Variants in CSMD1 observed in about 807,000 individuals in gnomAD.
CSMD1 encodes CUB and sushi domain-containing protein 1.
Under a neutral mutation model 417.5 loss-of-function variants are expected in CSMD1, and 213 were observed. The ratio of observed to expected loss-of-function variants is 0.51; its 90% CI spans 0.46 to 0.57. The LOEUF is 0.57. Among genes scored for constraint, CSMD1 ranks in the 20% least tolerant of loss-of-function variants. The pLI, the probability that CSMD1 is intolerant of heterozygous loss-of-function variation, is 0.00. For missense variants in CSMD1, 6,923 were observed against 4,529.7 expected (o/e 1.53, Z -15.17); for synonymous variants, 2,862 against 1,736.8 (o/e 1.65, Z -16.11).
intron 7 of CSMD1, among the ~76,000 whole-genome samples, chr8:3,691,816 A>G (rs1800260498): frequency 6.6e-6 from 1 of 152,200 alleles, no homozygotes. Context: ...AGTTTCAGTG[A>G]TCTAAAAATA....
At chr8:4,761,882 T>TCTACCTAC (rs1450603408) in intron 1 of CSMD1, among the ~76,000 whole-genome samples, 1 of 97,154 alleles carries the variant, frequency 1.0e-5, no homozygotes, top group Non-Finnish European at 2.1e-5. Flanking sequence ...TATCTATCTA[T>TCTACCTAC]CTATCTACCT....
At chr8:4,260,752 T>C (rs1330367029) in intron 3 of CSMD1, among the ~76,000 whole-genome samples, 1 of 152,186 alleles carries the variant, frequency 6.6e-6, no homozygotes, top group Non-Finnish European at 1.5e-5. Context: ...GTTTAAACAA[T>C]TTAGGCTAAG....
intron 1 of CSMD1, among the ~76,000 whole-genome samples, chr8:4,865,516 A>G (rs895745981): frequency 5.3e-5 from 8 of 151,854 alleles, no homozygotes; most frequent in Non-Finnish European, 8.8e-5. Flanking sequence ...TGATGCAACA[A>G]TATATTAGAA....
At chr8:3,564,877 A>G (rs1389585831) in intron 10 of CSMD1, among the ~76,000 whole-genome samples, 2 of 152,044 alleles carry the variant, frequency 1.3e-5, no homozygotes, top group Non-Finnish European at 2.9e-5. Flanking sequence ...CGGGTAAGTC[A>G]TAGACAATGA....
At chr8:4,360,565 C>A (rs1369372830) in intron 3 of CSMD1, among the ~76,000 whole-genome samples, 1 of 152,192 alleles carries the variant, frequency 6.6e-6, no homozygotes, top group Non-Finnish European at 1.5e-5. Flanking sequence ...TCTCGGCTCA[C>A]TGCAAGCTCC....
chr8:3,216,090 G>C (rs972603899), intron 29 of CSMD1, among the ~76,000 whole-genome samples: 6 of 149,868 alleles, frequency 4.0e-5, no homozygotes, highest in Non-Finnish European at 1.5e-5. Flanking sequence ...TTAAGAATTT[G>C]AGATTAAATG....
At chr8:3,375,374 G>A (rs891128902) in intron 18 of CSMD1, 1 of 152,036 alleles carries the variant, frequency 6.6e-6, no homozygotes, top group African/African-American at 2.4e-5. Flanking sequence ...ACAGCCTTGG[G>A]CCTGATCTGT....
chr8:2,957,419 G>T (rs139753643), intron 63 of CSMD1, among the ~76,000 whole-genome samples: 1 of 152,016 alleles, frequency 6.6e-6, no homozygotes, highest in Non-Finnish European at 1.5e-5. Context: ...CTCCTGGAGC[G>T]CTTGTTAAAC....
chr8:4,262,271 C>G (rs545353836), intron 3 of CSMD1, among the ~76,000 whole-genome samples: 3 of 152,278 alleles, frequency 2.0e-5, no homozygotes, highest in East Asian at 1.9e-4. Context: ...TGCCCTCCCT[C>G]TGTTGAGCTT....
intron 1 of CSMD1, among the ~76,000 whole-genome samples, chr8:4,785,096 A>G (rs1188642658): frequency 6.6e-6 from 1 of 152,196 alleles, no homozygotes; most frequent in Non-Finnish European, 1.5e-5. Context: ...CTGGGTCATG[A>G]GTGCCTTCTT....
At chr8:4,488,894 A>G (rs534180721) in intron 2 of CSMD1, among the ~76,000 whole-genome samples, 1 of 152,298 alleles carries the variant, frequency 6.6e-6, no homozygotes, top group South Asian at 2.1e-4. Context: ...CAGAATGTGC[A>G]TGCCTTCAGC....
intron 4 of CSMD1, among the ~76,000 whole-genome samples, chr8:4,012,864 T>G (rs967674508): frequency 6.6e-6 from 1 of 152,160 alleles, no homozygotes; most frequent in Admixed American, 6.5e-5. Context: ...TCCATGACTC[T>G]TCTATGTCTC....
At chr8:3,998,185 C>T (rs141857131) in intron 4 of CSMD1, 75 bp from the exon 5 acceptor site, 10 of 1,276,030 alleles carry the variant, frequency 7.8e-6, no homozygotes, top group Non-Finnish European at 1.1e-5. Context: ...CACCAAGTGT[C>T]ACTCTTGATC....
intron 25 of CSMD1, among the ~76,000 whole-genome samples, chr8:3,285,873 T>G (rs1299317928): frequency 5.3e-5 from 8 of 152,000 alleles, no homozygotes; most frequent in Admixed American, 5.2e-4. Context: ...AAGGTAAATG[T>G]GCACAACGTG....
chr8:4,673,949 G>A (rs1041656881), intron 1 of CSMD1, among the ~76,000 whole-genome samples: 1 of 152,090 alleles, frequency 6.6e-6, no homozygotes, highest in Non-Finnish European at 1.5e-5. Flanking sequence ...AATAAAGGAG[G>A]TGATTGCACA....
chr8:4,044,369 C>G (rs978453899), intron 3 of CSMD1, among the ~76,000 whole-genome samples: 2 of 152,106 alleles, frequency 1.3e-5, no homozygotes, highest in Admixed American at 1.3e-4. Context: ...CTGATAAGAA[C>G]CTTGTCTTAA....
intron 2 of CSMD1, among the ~76,000 whole-genome samples, chr8:4,507,567 G>A (rs931400603): frequency 1.5e-4 from 23 of 152,284 alleles, no homozygotes; most frequent in Middle Eastern, 3.4e-3. Context: ...GCATGGACAT[G>A]CATGTTATCA....
chr8:3,615,215 G>T (rs1017861940), intron 8 of CSMD1, among the ~76,000 whole-genome samples: 4 of 152,124 alleles, frequency 2.6e-5, no homozygotes, highest in African/African-American at 9.7e-5. Flanking sequence ...TGAGCCAAAG[G>T]AAGGAAGCCA....
intron 5 of CSMD1, among the ~76,000 whole-genome samples, chr8:3,915,103 G>A (rs944688773): frequency 1.3e-5 from 2 of 152,026 alleles, no homozygotes; most frequent in Non-Finnish European, 2.9e-5. Context: ...TAATAATGAA[G>A]AGTCAAGAGT....
Sources: gnomAD v4.1 joint callset for allele counts (sites outside exome capture counted in the v4.1 genomes callset) on GRCh38, gnomAD v4.1.1 for gene constraint, MANE v1.5 for transcripts, NCBI Gene and HGNC (gene_info 2026-07-23, HGNC 2026-07-21) for gene names.